IFT52: variants seen among roughly 807,000 people sequenced by gnomAD.
IFT52 encodes the protein intraflagellar transport protein 52 homolog.
Under a neutral mutation model 54.4 loss-of-function variants are expected in IFT52, and 44 were observed. That is an observed-to-expected ratio of 0.81 (90% CI 0.63 to 1.04). The LOEUF (loss-of-function observed/expected upper bound fraction) is 1.04. Among genes scored for constraint, IFT52 ranks in the 50% least tolerant of loss-of-function variants. IFT52 has a pLI of 0.00. For missense variants in IFT52, 452 were observed against 523.6 expected (o/e 0.86, Z 1.33); for synonymous variants, 181 against 185.3 (o/e 0.98, Z 0.19).
intron 6 of IFT52, among the ~76,000 whole-genome samples, chr20:43,611,530 A>G (rs938417973): frequency 1.6e-5 from 2 of 124,456 alleles, no homozygotes; most frequent in Non-Finnish European, 3.1e-5. Context: ...TGCAACCTCC[A>G]CCTCCTGGGT....
intron 9 of IFT52, among the ~76,000 whole-genome samples, chr20:43,622,869 C>T (rs1367084564): frequency 1.3e-5 from 2 of 150,104 alleles, no homozygotes; most frequent in Non-Finnish European, 2.9e-5. Context: ...TAACCACTCT[C>T]CTGTTGGCAG....
chr20:43,639,586 C>T (rs1985775101), intron 12 of IFT52, among the ~76,000 whole-genome samples: 1 of 152,198 alleles, frequency 6.6e-6, no homozygotes, highest in African/African-American at 2.4e-5. Flanking sequence ...AGGAGAATCG[C>T]TTGAACCCAG....
At chr20:43,615,747 G>A (rs1983808278) in intron 7 of IFT52, among the ~76,000 whole-genome samples, 1 of 152,140 alleles carries the variant, frequency 6.6e-6, no homozygotes, top group Non-Finnish European at 1.5e-5. Flanking sequence ...GACCATCCTG[G>A]CCAACATGGT....
intron 13 of IFT52, among the ~76,000 whole-genome samples, chr20:43,643,485 CA>C (rs559641727): frequency 8.7e-5 from 4 of 45,982 alleles, no homozygotes; most frequent in East Asian, 7.3e-4. Context: ...GACTCTGTCT[CA>C]AAAAAAAAAC....
At chr20:43,617,506 C>T (rs1205796841) in intron 7 of IFT52, among the ~76,000 whole-genome samples, 4 of 151,606 alleles carry the variant, frequency 2.6e-5, no homozygotes, top group South Asian at 2.1e-4. Flanking sequence ...TGCAGTGGTG[C>T]GATCTTGCTT....
intron 9 of IFT52, among the ~76,000 whole-genome samples, chr20:43,622,770 G>A (rs13039632): frequency 0.12 from 15,113 of 127,566 alleles, 2,407 homozygotes; most frequent in African/African-American, 0.29. Flanking sequence ...TATACAAATT[G>A]TGTGTAAATA....
At chr20:43,599,363 A>G (rs1982248782) in intron 3 of IFT52, among the ~76,000 whole-genome samples, 1 of 152,144 alleles carries the variant, frequency 6.6e-6, no homozygotes, top group Non-Finnish European at 1.5e-5. Flanking sequence ...GTGCCAGGCC[A>G]AGCCTTAGTT....
At chr20:43,612,978 C>A (rs555784861) in intron 6 of IFT52, among the ~76,000 whole-genome samples, 6 of 152,252 alleles carry the variant, frequency 3.9e-5, no homozygotes, top group Admixed American at 6.5e-5. Flanking sequence ...AGAATCTGCA[C>A]CCCACCTTTG....
intron 6 of IFT52, among the ~76,000 whole-genome samples, chr20:43,613,067 T>G (rs1983583369): frequency 6.6e-6 from 1 of 152,204 alleles, no homozygotes; most frequent in Admixed American, 6.5e-5. Flanking sequence ...AAGACAAGTC[T>G]TTGTTAGGAC....
chr20:43,617,066 G>A (rs1343853787), intron 7 of IFT52, among the ~76,000 whole-genome samples: 1 of 151,988 alleles, frequency 6.6e-6, no homozygotes, highest in Non-Finnish European at 1.5e-5. Flanking sequence ...ATGATGTGTT[G>A]GAAGCATTTT....
chr20:43,636,787 G>A (rs909807720), intron 11 of IFT52, among the ~76,000 whole-genome samples: 2 of 152,156 alleles, frequency 1.3e-5, no homozygotes, highest in Non-Finnish European at 2.9e-5. Context: ...TTGTGTCATC[G>A]TTCTGAGTTA....
chr20:43,633,927 G>T (rs75175234), intron 10 of IFT52, among the ~76,000 whole-genome samples: 1 of 151,906 alleles, frequency 6.6e-6, no homozygotes, highest in Non-Finnish European at 1.5e-5. Flanking sequence ...ACTTTGGGAA[G>T]CTGAAACAGG....
chr20:43,623,048 G>A (rs1336711268), intron 9 of IFT52, among the ~76,000 whole-genome samples: 2 of 151,966 alleles, frequency 1.3e-5, no homozygotes, highest in Non-Finnish European at 2.9e-5. Flanking sequence ...TGTATCAGGA[G>A]GAAAGAAGCA....
intron 3 of IFT52, among the ~76,000 whole-genome samples, chr20:43,601,370 T>C (rs149629460): frequency 2.8e-4 from 42 of 152,322 alleles, no homozygotes; most frequent in African/African-American, 9.6e-4. Context: ...AAAATTAATC[T>C]TTCTTCCTGT....
At chr20:43,597,042 G>C (rs62225580) in intron 3 of IFT52, among the ~76,000 whole-genome samples, 130,236 of 150,624 alleles carry the variant, frequency 0.86, 56,588 homozygotes, top group African/African-American at 0.96. Context: ...AGCCCAGCCA[G>C]TAGCCACATT....
intron 6 of IFT52, 141 bp downstream of exon 6, chr20:43,605,214 A>C: frequency 6.9e-7 from 1 of 1,449,458 alleles, no homozygotes; most frequent in Non-Finnish European, 9.1e-7. Context: ...GAAGCTCTGC[A>C]CTGTAAGTCC....
intron 6 of IFT52, among the ~76,000 whole-genome samples, chr20:43,611,955 A>G (rs2145617354): frequency 6.6e-6 from 1 of 152,060 alleles, no homozygotes; most frequent in South Asian, 2.1e-4. Context: ...GCCTGAACCC[A>G]GGAGGCAGAG....
chr20:43,600,529 C>T (rs1293824141), intron 3 of IFT52, among the ~76,000 whole-genome samples: 2 of 152,024 alleles, frequency 1.3e-5, no homozygotes, highest in East Asian at 3.8e-4. Flanking sequence ...TGATCTCGAT[C>T]TCCTGGCCTT....
rs576073886 is a variant in IFT52 at position 43,600,526 on chromosome 20, G to A, written c.208-3234G>A. 6.6e-5 allele frequency among the ~76,000 whole-genome samples: 10 copies of A among 152,042 alleles called. No individual in the cohort carries two copies. The East Asian group carries it at 1.4e-3, about 21-fold the overall frequency. The stretch of plus-strand genomic sequence containing the variant: ...TCACCGTGTTAGCCAGGGTGATCTC[G>A]ATCTCCTGGCCTTGTGATCCGCCCG... On this transcript the variant is annotated intron_variant, in intron 3 of 13. Transcript: ENST00000373030.
Sources: allele counts gnomAD v4.1 joint callset (sites outside exome capture counted in the v4.1 genomes callset), GRCh38; gene constraint gnomAD v4.1.1; transcripts MANE v1.5; gene names NCBI Gene and HGNC (gene_info 2026-07-23, HGNC 2026-07-21).